The following STX8 variants were observed in gnomAD, a reference collection of about 807,000 sequenced individuals.
STX8 encodes syntaxin 8.
Under a neutral mutation model 37.5 loss-of-function variants are expected in STX8, and 23 were observed. That is an observed-to-expected ratio of 0.61 (90% CI 0.44 to 0.87). STX8 has a LOEUF of 0.87. Among genes scored for constraint, STX8 ranks in the 40% least tolerant of loss-of-function variants. The pLI, the probability that STX8 is intolerant of heterozygous loss-of-function variation, is 0.00. For missense variants in STX8, 313 were observed against 284.7 expected, an observed-to-expected ratio of 1.10 and a Z score of -0.71; for synonymous variants, 115 against 99.1, an observed-to-expected ratio of 1.16 and a Z score of -0.95.
chr17:9,545,042 T>C (rs1191171366), intron 4 of STX8, 130 bp downstream of exon 4: 4 of 626,588 alleles, frequency 6.4e-6, no homozygotes, highest in Non-Finnish European at 1.1e-5. Context: ...TAGAAAATTA[T>C]AGTCAAACAC....
intron 4 of STX8, among the ~76,000 whole-genome samples, chr17:9,520,763 C>A (rs1905312092): frequency 6.6e-6 from 1 of 152,134 alleles, no homozygotes; most frequent in Non-Finnish European, 1.5e-5. Context: ...ATAGGAAGGG[C>A]GTTCTTATCA....
chr17:9,481,485 A>T (rs1317354810), intron 6 of STX8, among the ~76,000 whole-genome samples: 1 of 152,108 alleles, frequency 6.6e-6, no homozygotes, highest in African/African-American at 2.4e-5. Flanking sequence ...ATTACGTTAC[A>T]CAGCTCTGAG....
intron 6 of STX8, among the ~76,000 whole-genome samples, chr17:9,391,490 TG>T (rs1567541111): frequency 6.6e-6 from 1 of 151,794 alleles, no homozygotes; most frequent in Admixed American, 6.6e-5. Flanking sequence ...TAATTCGCTC[TG>T]GGGGGAAAAG....
intron 3 of STX8, among the ~76,000 whole-genome samples, chr17:9,550,454 G>C (rs1906717582): frequency 1.3e-5 from 2 of 151,542 alleles, no homozygotes; most frequent in African/African-American, 4.9e-5. Flanking sequence ...ATCCCCTGTA[G>C]TCCCAGCTAC....
chr17:9,449,284 G>T (rs190539587), intron 6 of STX8, among the ~76,000 whole-genome samples: 1 of 152,164 alleles, frequency 6.6e-6, no homozygotes, highest in Non-Finnish European at 1.5e-5. Flanking sequence ...CAAATTGCCG[G>T]GTGCGGTGGC....
chr17:9,376,117 A>G (rs1032992336), intron 7 of STX8, among the ~76,000 whole-genome samples: 2 of 152,194 alleles, frequency 1.3e-5, no homozygotes, highest in Admixed American at 1.3e-4. Flanking sequence ...TCATATTGAG[A>G]GGTGAAGCCG....
chr17:9,526,743 G>A lies in STX8; in HGVS notation c.323+18429C>T, dbSNP rs567692365. Among the ~76,000 whole-genome samples the A allele has an allele frequency of 5.9e-5, 9 of 152,204 alleles. No individual in the cohort carries two copies. In the East Asian group the frequency reaches 1.7e-3, roughly 29 times the overall value. On this transcript the variant is annotated intron_variant, in intron 4 of 7. Transcript: ENST00000306357. ...AAATTAGCCAGGTGTGGTGGTGCGT[G>A]CCTGTAATCCCAGCTACTCGGGAGG...
At chr17:9,284,344 C>T (rs753532157) in intron 7 of STX8, among the ~76,000 whole-genome samples, 3 of 152,158 alleles carry the variant, frequency 2.0e-5, no homozygotes, top group Non-Finnish European at 2.9e-5. Flanking sequence ...AACTACAAGA[C>T]GGCTCACCAA....
intron 6 of STX8, among the ~76,000 whole-genome samples, chr17:9,400,959 ATCTC>A (rs1272554666): frequency 6.6e-6 from 1 of 152,150 alleles, no homozygotes; most frequent in Non-Finnish European, 1.5e-5. Flanking sequence ...CTTCTAGAGA[ATCTC>A]TCATGAAATA....
chr17:9,279,060 T>G (rs926694120), intron 7 of STX8, among the ~76,000 whole-genome samples: 2 of 101,402 alleles, frequency 2.0e-5, no homozygotes, highest in African/African-American at 4.0e-5. Context: ...GTGTGTTTTT[T>G]GTTTTTTGTT....
intron 5 of STX8, among the ~76,000 whole-genome samples, chr17:9,501,458 AGGTG>A (rs1416954670): frequency 6.6e-6 from 1 of 152,164 alleles, no homozygotes; most frequent in Non-Finnish European, 1.5e-5. Flanking sequence ...TGGGAGGCCG[AGGTG>A]GGTGGGTCAC....
chr17:9,517,796 A>G (rs929558870), intron 4 of STX8, among the ~76,000 whole-genome samples: 4 of 151,460 alleles, frequency 2.6e-5, no homozygotes, highest in African/African-American at 7.3e-5. Flanking sequence ...TGTAAAAAAA[A>G]AAAAAAAAAA....
intron 2 of STX8, among the ~76,000 whole-genome samples, chr17:9,561,694 T>C (rs1218957399): frequency 7.3e-6 from 1 of 137,126 alleles, no homozygotes; most frequent in South Asian, 2.3e-4. Context: ...AAAGAATAGA[T>C]ATTCAAGACT....
intron 7 of STX8, among the ~76,000 whole-genome samples, chr17:9,326,289 C>T (rs767914500): frequency 4.6e-5 from 7 of 151,980 alleles, no homozygotes; most frequent in East Asian, 1.9e-4. Context: ...TGTCACCATA[C>T]CTGGATAATT....
intron 6 of STX8, among the ~76,000 whole-genome samples, chr17:9,394,233 G>T (rs754180027): frequency 6.6e-6 from 1 of 152,146 alleles, no homozygotes; most frequent in Non-Finnish European, 1.5e-5. Flanking sequence ...CATGCTAAGC[G>T]CGGCTTTGGA....
intron 3 of STX8, chr17:9,555,127 G>A (rs1567608422): frequency 6.6e-6 from 1 of 152,054 alleles, no homozygotes; most frequent in Non-Finnish European, 1.5e-5. Flanking sequence ...TCCACATTAA[G>A]ACCCCTAAAT....
intron 3 of STX8, among the ~76,000 whole-genome samples, chr17:9,551,606 T>C (rs1385675832): frequency 6.7e-6 from 1 of 150,134 alleles, no homozygotes; most frequent in Non-Finnish European, 1.5e-5. Flanking sequence ...CCCAGGGGTG[T>C]TGGTAACCAC....
At chr17:9,549,690 T>C (rs1423237288) in intron 3 of STX8, among the ~76,000 whole-genome samples, 1 of 152,018 alleles carries the variant, frequency 6.6e-6, no homozygotes, top group East Asian at 1.9e-4. Context: ...TTTTATATTT[T>C]AATCTACGGA....
intron 7 of STX8, among the ~76,000 whole-genome samples, chr17:9,258,244 G>A (rs567496470): frequency 4.6e-5 from 7 of 152,338 alleles, no homozygotes; most frequent in Admixed American, 2.6e-4. Flanking sequence ...CTCCTGAGCT[G>A]AGGTGGGGAA....
Sources: allele counts gnomAD v4.1 joint callset (sites outside exome capture counted in the v4.1 genomes callset), GRCh38; gene constraint gnomAD v4.1.1; transcripts MANE v1.5; gene names NCBI Gene and HGNC (gene_info 2026-07-23, HGNC 2026-07-21).